NCEH1: variants seen among roughly 807,000 people sequenced by gnomAD.
NCEH1 encodes the protein neutral cholesterol ester hydrolase 1, also known as 2-acetyl MAGE hydrolase.
NCEH1 carries 9 observed loss-of-function variants against 25.4 expected under a neutral mutation model. The ratio of observed to expected loss-of-function variants is 0.35; its 90% CI spans 0.21 to 0.62. The LOEUF (loss-of-function observed/expected upper bound fraction) is 0.62. Among genes scored for constraint, NCEH1 ranks in the 20% least tolerant of loss-of-function variants. The pLI, the probability that NCEH1 is intolerant of heterozygous loss-of-function variation, is 0.72. For synonymous variants in NCEH1, 200 were observed against 199.8 expected, an observed-to-expected ratio of 1.00 and a Z score of -0.01; for missense variants, 412 against 501.1, an observed-to-expected ratio of 0.82 and a Z score of 1.70.
At chr3:172,650,206 G>A (rs1717327244) in intron 1 of NCEH1, among the ~76,000 whole-genome samples, 2 of 152,174 alleles carry the variant, frequency 1.3e-5, no homozygotes, top group South Asian at 4.1e-4. Flanking sequence ...GTGCTGATTA[G>A]AAAAGGGACA....
chr3:172,645,593 A>T, intron 3 of NCEH1, 30 bp downstream of exon 3: 1 of 1,448,698 alleles, frequency 6.9e-7, no homozygotes, highest in Non-Finnish European at 9.6e-7. Context: ...TTATAAGAAA[A>T]ATTTTCTATG....
chr3:172,672,656 G>T (rs1235217500), intron 1 of NCEH1, among the ~76,000 whole-genome samples: 1 of 152,100 alleles, frequency 6.6e-6, no homozygotes, highest in African/African-American at 2.4e-5. Flanking sequence ...CTCCTGAAGG[G>T]GGCCACTTCG....
chr3:172,663,492 C>G lies in NCEH1; in HGVS notation c.139-15378G>C, dbSNP rs547203183. 3.3e-5 allele frequency among the ~76,000 whole-genome samples: 5 copies of G among 152,254 alleles called. No individual in the cohort carries two copies. The East Asian group carries it at 9.6e-4, about 29-fold the overall frequency. Reference sequence around the variant, plus strand: ...TCTATTAGGTCTGCTTGGTGTAGAGCTGAGTTCAAGTCCTGGATATTTTTA... The same window carrying G: ...TCTATTAGGTCTGCTTGGTGTAGAGGTGAGTTCAAGTCCTGGATATTTTTA... On this transcript the variant is annotated intron_variant, in intron 1 of 4. Coordinates refer to ENST00000475381, the MANE Select transcript of NCEH1 (RefSeq NM_020792.6).
intron 1 of NCEH1, among the ~76,000 whole-genome samples, chr3:172,685,884 A>C (rs1712669091): frequency 6.6e-6 from 1 of 152,168 alleles, no homozygotes; most frequent in Non-Finnish European, 1.5e-5. Flanking sequence ...AGAATTTTAG[A>C]ATGTCAGAGC....
At chr3:172,660,311 T>C (rs1717913928) in intron 1 of NCEH1, among the ~76,000 whole-genome samples, 1 of 152,210 alleles carries the variant, frequency 6.6e-6, no homozygotes, top group Non-Finnish European at 1.5e-5. Flanking sequence ...GAACTCATCA[T>C]TTTTTATGGC....
rs142396533 is a variant in NCEH1, at chr3:172,641,647, A to G, written c.437+3976T>C. Among the ~76,000 whole-genome samples the G allele has an allele frequency of 5.4e-4, 82 of 152,368 alleles. No individual in the cohort carries two copies. The East Asian group carries it at 0.015, about 28-fold the overall frequency. Reference sequence around the variant, plus strand: ...GGAGCTCCAGAAGAACCAAGCGTCCACCATCCTCCTAAAGACTCTTGGAAT... The same window carrying G: ...GGAGCTCCAGAAGAACCAAGCGTCCGCCATCCTCCTAAAGACTCTTGGAAT... On this transcript the variant is annotated intron_variant, in intron 3 of 4. Coordinates refer to ENST00000475381, the MANE Select transcript of NCEH1 (RefSeq NM_020792.6).
intron 3 of NCEH1, among the ~76,000 whole-genome samples, chr3:172,642,895 T>G (rs1029979387): frequency 1.3e-5 from 2 of 152,194 alleles, no homozygotes; most frequent in African/African-American, 4.8e-5. Flanking sequence ...AGACGTGATT[T>G]CTGTTTCCAG....
At chr3:172,706,703 G>A (rs1450997429) in intron 1 of NCEH1, among the ~76,000 whole-genome samples, 1 of 151,862 alleles carries the variant, frequency 6.6e-6, no homozygotes, top group Non-Finnish European at 1.5e-5. Flanking sequence ...GTTTCACCAT[G>A]TTGGCCAGGC....
intron 1 of NCEH1, among the ~76,000 whole-genome samples, chr3:172,662,989 A>G (rs534445072): frequency 3.3e-5 from 5 of 151,914 alleles, no homozygotes; most frequent in Admixed American, 2.6e-4. Flanking sequence ...TTAGTTATTT[A>G]TTGCCTTCTG....
chr3:172,701,851 T>C (rs78403194), intron 1 of NCEH1, among the ~76,000 whole-genome samples: 3,463 of 152,256 alleles, frequency 0.023, 117 homozygotes, highest in East Asian at 0.15. Flanking sequence ...ACTTCTCTGC[T>C]AGAAGACTGT....
intron 1 of NCEH1, among the ~76,000 whole-genome samples, chr3:172,694,989 TTG>T (rs1382628233): frequency 1.4e-5 from 2 of 148,004 alleles, no homozygotes; most frequent in African/African-American, 4.9e-5. Flanking sequence ...GCTGTTCGTC[TTG>T]TGAATTGCTA....
At chr3:172,644,406 G>T (rs964811409) in intron 3 of NCEH1, among the ~76,000 whole-genome samples, 29 of 152,206 alleles carry the variant, frequency 1.9e-4, no homozygotes, top group Non-Finnish European at 4.3e-4. Flanking sequence ...ATAGCTGACA[G>T]AGAGGCAGAG....
rs1712500784 is a variant in NCEH1, at chr3:172,683,280, G to A, written c.138+27567C>T. On this transcript the variant is annotated intron_variant, in intron 1 of 4. Coordinates refer to ENST00000475381, the MANE Select transcript of NCEH1 (RefSeq NM_020792.6). ...TAGCCAGGCGTAGTGGCGGGCGCCT[G>A]TAGTCCCAGCTACTTGGGAGGCTGA... Among the ~76,000 whole-genome samples the A allele has an allele frequency of 1.7e-5, 2 of 117,610 alleles. 1 individual carries two copies. Among genetic ancestry groups the A allele is most frequent in the Non-Finnish European group, 3.6e-5 (2 of 55,088 alleles). The allele number at this position is 117,610 out of a possible 152,430, so 77.2% of individuals were successfully genotyped here.
rs1016324777 is a variant in NCEH1, at chr3:172,631,176, T to A, written c.*2299A>T. ...GAGCCTTTTAGAGATCCGGAATCAT[T>A]TGCTGTCTGCAATTACTATAGGCTT... is the stretch of plus-strand genomic sequence containing the variant. On this transcript the variant is annotated 3_prime_UTR_variant, in exon 5 of 5. Transcript: ENST00000475381. The A allele has an allele frequency of 2.6e-5, 4 of 152,216 alleles. No individual in the cohort carries two copies. The highest frequency in any genetic ancestry group is 5.9e-5 in the Non-Finnish European group (4 of 68,030). 9.4% of individuals were successfully genotyped at this position (152,216 alleles called of 1,614,324 possible). A position where few individuals can be genotyped will look rare whatever the true frequency, so the allele number is the denominator to read the frequency against.
At chr3:172,649,292 T>C (rs1577059242) in intron 1 of NCEH1, among the ~76,000 whole-genome samples, 1 of 152,106 alleles carries the variant, frequency 6.6e-6, no homozygotes, top group Non-Finnish European at 1.5e-5. Flanking sequence ...TGAAAAGAGT[T>C]AGAAAGCACT....
At chr3:172,687,674 C>CGATT (rs1712775203) in intron 1 of NCEH1, among the ~76,000 whole-genome samples, 1 of 152,074 alleles carries the variant, frequency 6.6e-6, no homozygotes, top group African/African-American at 2.4e-5. Context: ...CAGCCACAGG[C>CGATT]GATTACATGA....
intron 4 of NCEH1, 71 bp from the exon 5 acceptor site, chr3:172,634,163 G>A (rs1215119200): frequency 7.2e-7 from 1 of 1,391,610 alleles, no homozygotes; most frequent in Non-Finnish European, 9.8e-7. Context: ...ACCCTGTAGA[G>A]TAGCTTCATG....
In NCEH1 at chr3:172,690,788, T is replaced by C. The variant is rs531590552; in HGVS notation, c.138+20059A>G. Among the ~76,000 whole-genome samples, 13 of 152,324 alleles carry C rather than the reference T, an allele frequency of 8.5e-5. No homozygotes were observed. The South Asian group carries it at 2.3e-3, about 27-fold the overall frequency. ...TTAGAATTCTAATGTTAATAGTGCA[T>C]ATTCAACCTAACAAAAACAAAACAT... On this transcript the variant is annotated intron_variant, in intron 1 of 4. Transcript: ENST00000475381.
intron 1 of NCEH1, among the ~76,000 whole-genome samples, chr3:172,675,808 T>C (rs1711963614): frequency 6.6e-6 from 1 of 152,178 alleles, no homozygotes; most frequent in Non-Finnish European, 1.5e-5. Flanking sequence ...AGTATTGCAA[T>C]CCATTGGTGT....
Sources: gnomAD v4.1 joint callset for allele counts (sites outside exome capture counted in the v4.1 genomes callset) on GRCh38, gnomAD v4.1.1 for gene constraint, MANE v1.5 for transcripts, NCBI Gene and HGNC (gene_info 2026-07-23, HGNC 2026-07-21) for gene names.